Variants in C8orf88 observed in about 807,000 individuals in gnomAD.
The protein encoded by C8orf88 is uncharacterized protein C8orf88.
C8orf88 carries 14 observed loss-of-function variants against 18.4 expected under a neutral mutation model. The ratio of observed to expected loss-of-function variants is 0.76; its 90% confidence interval spans 0.50 to 1.19. The LOEUF (loss-of-function observed/expected upper bound fraction) is 1.19. C8orf88 is among the 50% of genes most tolerant of loss of function. The pLI is 0.00. For synonymous variants in C8orf88, 45 were observed against 42.9 expected (o/e 1.05, Z -0.19); for missense variants, 116 against 134.7 (o/e 0.86, Z 0.69).
chr8:90,984,289 A>G (rs549123324), intron 1 of C8orf88, among the ~76,000 whole-genome samples: 4 of 152,356 alleles, frequency 2.6e-5, no homozygotes, highest in African/African-American at 7.2e-5. Context: ...TTTCATCTCA[A>G]TTTCCAACTT....
intron 1 of C8orf88, among the ~76,000 whole-genome samples, chr8:90,984,651 A>G (rs756169963): frequency 6.6e-6 from 1 of 152,138 alleles, no homozygotes; most frequent in Non-Finnish European, 1.5e-5. Flanking sequence ...CTGTCCAGGT[A>G]ATAGGTGTCT....
chr8:90,971,611 A>G (rs773668101), intron 3 of C8orf88, among the ~76,000 whole-genome samples: 7 of 152,058 alleles, frequency 4.6e-5, no homozygotes, highest in Non-Finnish European at 1.0e-4. Context: ...AATAAGAGAA[A>G]TAAGAAAAAT....
chr8:90,971,146 T>C lies in C8orf88; in HGVS notation c.148-5A>G. 2.0e-6 allele frequency: 3 copies of C among 1,465,494 alleles called. No homozygotes were observed. The highest frequency in any genetic ancestry group is 1.4e-5 in the African/African-American group (1 of 70,194). The allele number at this position is 1,465,494 out of a possible 1,614,324, so 90.8% of individuals were successfully genotyped here. ...TTGCATTCCATTCGTCTTACACTGTTAAACATGAAGAAAATAAACTTTTTA... is the reference window on the plus strand; with the variant it reads ...TTGCATTCCATTCGTCTTACACTGTCAAACATGAAGAAAATAAACTTTTTA... On this transcript the variant is annotated splice_region_variant and splice_polypyrimidine_tract_variant and intron_variant, in intron 3 of 5. Coordinates refer to ENST00000517562, the MANE Select transcript of C8orf88 (RefSeq NM_001190972.2).
intron 5 of C8orf88, among the ~76,000 whole-genome samples, chr8:90,959,962 T>G (rs1811101747): frequency 6.6e-6 from 1 of 151,476 alleles, no homozygotes; most frequent in Non-Finnish European, 1.5e-5. Flanking sequence ...TCATGCATTA[T>G]TTTATTAATC....
At chr8:90,984,610 A>G (rs539868750) in intron 1 of C8orf88, among the ~76,000 whole-genome samples, 39 of 152,316 alleles carry the variant, frequency 2.6e-4, no homozygotes, top group African/African-American at 7.9e-4. Flanking sequence ...TCTCAAAACA[A>G]AACACAATTT....
At chr8:90,959,504 T>G (rs937490336) in intron 5 of C8orf88, 1 of 151,454 alleles carries the variant, frequency 6.6e-6, no homozygotes, top group Non-Finnish European at 1.5e-5. Flanking sequence ...GGTGGGAAAG[T>G]TGAAACATCA....
intron 1 of C8orf88, among the ~76,000 whole-genome samples, chr8:90,981,049 A>C (rs1041353625): frequency 6.6e-6 from 1 of 152,140 alleles, no homozygotes; most frequent in African/African-American, 2.4e-5. Context: ...TCCTATCTAC[A>C]TGATAAATAT....
At chr8:90,959,140 G>C (rs1229670103) in intron 5 of C8orf88, 110 bp from the exon 6 acceptor site, 3 of 509,034 alleles carry the variant, frequency 5.9e-6, no homozygotes, top group Non-Finnish European at 1.0e-5. Flanking sequence ...AGATTTAAAT[G>C]CATGTTACCA....
chr8:90,970,921 A>G (rs1811272098), intron 4 of C8orf88, 145 bp downstream of exon 4: 2 of 474,170 alleles, frequency 4.2e-6, no homozygotes, highest in Admixed American at 7.5e-5. Context: ...TCAAAGTGGT[A>G]GCCTGACTCA....
At chr8:90,984,464 T>C (rs1415348869) in intron 1 of C8orf88, among the ~76,000 whole-genome samples, 1 of 152,192 alleles carries the variant, frequency 6.6e-6, no homozygotes, top group Non-Finnish European at 1.5e-5. Flanking sequence ...GTTCCATATA[T>C]CTGGTTGCAC....
At chr8:90,978,900 A>C (rs976470898) in intron 2 of C8orf88, among the ~76,000 whole-genome samples, 2 of 152,188 alleles carry the variant, frequency 1.3e-5, no homozygotes, top group African/African-American at 4.8e-5. Context: ...GTTCATACAT[A>C]ATGATTATAA....
In C8orf88 at chr8:90,958,747, A is replaced by G. The variant is rs573040851; in HGVS notation, c.*260T>C. The G allele has an allele frequency of 1.3e-4, 48 of 365,984 alleles. No individual in the cohort carries two copies. Among genetic ancestry groups the G allele is most frequent in the African/African-American group, 8.8e-4 (41 of 46,410 alleles). 22.7% of individuals were successfully genotyped at this position (365,984 alleles called of 1,614,324 possible). A position where few individuals can be genotyped will look rare whatever the true frequency, so the allele number is the denominator to read the frequency against. ...TGCAAGTAGTATGCAAATTATAAAT[A>G]TACAGTCTTCCCACTTCACTAACCA... On this transcript the variant is annotated 3_prime_UTR_variant, in exon 6 of 6. Transcript: ENST00000517562.
intron 3 of C8orf88, among the ~76,000 whole-genome samples, chr8:90,971,757 G>A (rs1359153495): frequency 6.6e-6 from 1 of 151,670 alleles, no homozygotes; most frequent in Non-Finnish European, 1.5e-5. Context: ...AAGCTAATCT[G>A]ATGATATTTT....
intron 1 of C8orf88, among the ~76,000 whole-genome samples, chr8:90,981,568 T>G: frequency 6.6e-6 from 1 of 152,138 alleles, no homozygotes; most frequent in East Asian, 1.9e-4. Context: ...TAATTCCTCC[T>G]TCCTTACATT....
chr8:90,971,027 C>T, intron 4 of C8orf88, 39 bp downstream of exon 4: 1 of 1,178,660 alleles, frequency 8.5e-7, no homozygotes, highest in Non-Finnish European at 1.2e-6. Flanking sequence ...AATGCTAAGA[C>T]ATTCAATGAT....
At position 90,959,050 on chromosome 8, in the gene C8orf88, GTTAAT is replaced by G. The variant is rs1811084872; in HGVS notation, c.331-25_331-21del. 2.5e-5 allele frequency: 30 copies of G among 1,192,848 alleles called. No individual in the cohort carries two copies. The highest frequency in any genetic ancestry group is 3.1e-5 in the Non-Finnish European group (27 of 860,834). The allele number at this position is 1,192,848 out of a possible 1,614,324, so 73.9% of individuals were successfully genotyped here. A position where few individuals can be genotyped will look rare whatever the true frequency, so the allele number is the denominator to read the frequency against. On this transcript the variant is annotated intron_variant, in intron 5 of 5. Transcript: ENST00000517562. ...GTTTTCCTGTAATATAAAAGAAAAA[GTTAAT>G]TTATCAATTGATTGAATACAGTTTT...
At chr8:90,973,559 T>C (rs1811310765) in intron 3 of C8orf88, among the ~76,000 whole-genome samples, 2 of 152,154 alleles carry the variant, frequency 1.3e-5, no homozygotes, top group African/African-American at 4.8e-5. Context: ...CATAGGTCAC[T>C]GTAACCTTGA....
At chr8:90,982,979 A>T (rs1258228495) in intron 1 of C8orf88, among the ~76,000 whole-genome samples, 5 of 152,200 alleles carry the variant, frequency 3.3e-5, no homozygotes, top group Non-Finnish European at 7.4e-5. Flanking sequence ...GTTAAAAATA[A>T]TAAAGACTTA....
At chr8:90,972,688 CTA>C (rs1325444223) in intron 3 of C8orf88, among the ~76,000 whole-genome samples, 1 of 152,044 alleles carries the variant, frequency 6.6e-6, no homozygotes, top group Non-Finnish European at 1.5e-5. Context: ...GCTATGATCA[CTA>C]TGTTATAGGT....
Sources: gnomAD v4.1 joint callset for allele counts (sites outside exome capture counted in the v4.1 genomes callset) on GRCh38, gnomAD v4.1.1 for gene constraint, MANE v1.5 for transcripts, NCBI Gene and HGNC (gene_info 2026-07-23, HGNC 2026-07-21) for gene names.